The following GNB5 variants were observed in gnomAD, a reference collection of about 807,000 sequenced individuals.
The protein encoded by GNB5 is guanine nucleotide-binding protein subunit beta-5.
Under a neutral mutation model 55.3 loss-of-function variants are expected in GNB5, and 37 were observed. The ratio of observed to expected loss-of-function variants is 0.67; its 90% CI spans 0.51 to 0.88. The LOEUF (loss-of-function observed/expected upper bound fraction) is 0.88, where lower values mean the gene tolerates loss of function less well. GNB5 is among the 40% of genes least tolerant of loss of function. The pLI is 0.00. For missense variants in GNB5, 476 were observed against 515.3 expected (o/e 0.92, Z 0.74); for synonymous variants, 219 against 198.5 (o/e 1.10, Z -0.87).
intron 3 of GNB5, among the ~76,000 whole-genome samples, chr15:52,157,188 G>A (rs192986375): frequency 1.9e-3 from 289 of 151,112 alleles, no homozygotes; most frequent in African/African-American, 6.9e-3. Context: ...CGCCAGCCTC[G>A]GCCTCCCAAA....
At chr15:52,141,299 A>G (rs2033847636) in intron 6 of GNB5, 27 bp from the exon 7 acceptor site, 16 of 1,603,884 alleles carry the variant, frequency 1.0e-5, no homozygotes, top group Non-Finnish European at 1.4e-5. Flanking sequence ...GAAGTACCAA[A>G]GATTAATGCA....
At chr15:52,180,567 TG>T in intron 2 of GNB5, 1 of 152,340 alleles carries the variant, frequency 6.6e-6, no homozygotes, top group Non-Finnish European at 1.5e-5. Flanking sequence ...GTCCCTGGCC[TG>T]GGGGCGGCAA....
At chr15:52,168,093 G>C (rs984953270) in intron 3 of GNB5, among the ~76,000 whole-genome samples, 1 of 152,184 alleles carries the variant, frequency 6.6e-6, no homozygotes, top group Non-Finnish European at 1.5e-5. Flanking sequence ...ACTGGCACAA[G>C]ACAAAGATGC....
chr15:52,128,138 A>T, intron 10 of GNB5, 58 bp downstream of exon 10: 1 of 1,087,338 alleles, frequency 9.2e-7, no homozygotes, highest in East Asian at 2.4e-5. Context: ...TTTTCTTAAA[A>T]TAAGTTAGCA....
intron 9 of GNB5, 127 bp from the exon 10 acceptor site, chr15:52,128,371 C>T (rs750771612): frequency 3.2e-5 from 22 of 685,684 alleles, no homozygotes; most frequent in South Asian, 1.3e-4. Context: ...CAGCAGAAGA[C>T]GGAAGAGGAA....
intron 1 of GNB5, among the ~76,000 whole-genome samples, chr15:52,185,753 T>TATTA (rs2034835438): frequency 7.3e-6 from 1 of 136,724 alleles, no homozygotes; most frequent in Non-Finnish European, 1.6e-5. Context: ...TATTCATCTT[T>TATTA]TTATTATTAT....
intron 3 of GNB5, among the ~76,000 whole-genome samples, chr15:52,174,485 TG>T (rs550595087): frequency 2.3e-4 from 35 of 152,218 alleles, no homozygotes; most frequent in African/African-American, 8.4e-4. Context: ...CTTGGGGCTG[TG>T]GAGTTTGATG....
chr15:52,147,668 C>T, intron 5 of GNB5, 133 bp from the exon 6 acceptor site: 1 of 445,562 alleles, frequency 2.2e-6, no homozygotes, highest in Non-Finnish European at 4.1e-6. Context: ...CTCACTCCAA[C>T]ATCTGCCTCC....
rs2033840435 is a variant in GNB5, at chr15:52,141,048, T to C, written c.627+92A>G. On this transcript the variant is annotated intron_variant, in intron 7 of 12. Coordinates refer to ENST00000261837, the MANE Select transcript of GNB5 (RefSeq NM_016194.4). ...GCAAACTACTGGAGCACAGCCATCTTGTTCAGAGAGACGCCGAAAGCTTCC... is the reference window on the plus strand; with the variant it reads ...GCAAACTACTGGAGCACAGCCATCTCGTTCAGAGAGACGCCGAAAGCTTCC... 3 of 1,057,122 alleles carry C rather than the reference T, an allele frequency of 2.8e-6. No individual in the cohort carries two copies. In the East Asian group the frequency reaches 7.1e-5, roughly 25 times the overall value. The allele number at this position is 1,057,122 out of a possible 1,614,324, so 65.5% of individuals were successfully genotyped here. A position where few individuals can be genotyped will look rare whatever the true frequency, so the allele number is the denominator to read the frequency against.
intron 7 of GNB5, chr15:52,138,281 G>C (rs2033772564): frequency 4.0e-6 from 1 of 249,060 alleles, no homozygotes; most frequent in African/African-American, 2.3e-5. Context: ...TACTTGGAAG[G>C]CTGAGGCACT....
chr15:52,136,871 C>T (rs543538206), intron 7 of GNB5: 106 of 383,422 alleles, frequency 2.8e-4, no homozygotes, highest in African/African-American at 2.2e-3. Context: ...GCCAACTTTC[C>T]TGTTACTATG....
At chr15:52,124,805 CCT>C (rs2033378917) in intron 11 of GNB5, 166 bp from the exon 12 acceptor site, 1 of 603,994 alleles carries the variant, frequency 1.7e-6, no homozygotes, top group African/African-American at 1.9e-5. Context: ...AGTCCCTGTC[CCT>C]GTTGGAGGAT....
chr15:52,179,013 G>C (rs918634960), intron 3 of GNB5, among the ~76,000 whole-genome samples: 9 of 152,230 alleles, frequency 5.9e-5, no homozygotes, highest in African/African-American at 1.9e-4. Context: ...AAGGAACGCT[G>C]TTTTGGCCAA....
At position 52,133,288 on chromosome 15, in the gene GNB5, G is replaced by A. The variant is rs2033624241; in HGVS notation, c.863+90C>T. On this transcript the variant is annotated intron_variant, in intron 9 of 12. Transcript: ENST00000261837. ...GAGGCCTCTCTCAGCCAAGTAAACT[G>A]AGTCTGGAGGCGGTTCCTGGGCTAA... 4.8e-6 allele frequency: 4 copies of A among 834,146 alleles called. No homozygotes were observed. In the East Asian group the frequency reaches 7.4e-5, roughly 15 times the overall value. 51.7% of individuals were successfully genotyped at this position (834,146 alleles called of 1,614,324 possible). A position where few individuals can be genotyped will look rare whatever the true frequency, so the allele number is the denominator to read the frequency against.
At position 52,115,145 on chromosome 15, in the gene GNB5, C is replaced by T. The variant is rs1002436794; in HGVS notation, c.*7612G>A. The T allele has an allele frequency of 6.6e-6, 1 of 152,128 alleles. No individual in the cohort carries two copies. Among genetic ancestry groups the T allele is most frequent in the Non-Finnish European group, 1.5e-5 (1 of 68,024 alleles). The allele number at this position is 152,128 out of a possible 1,614,324, so 9.4% of individuals were successfully genotyped here. On this transcript the variant is annotated 3_prime_UTR_variant, in exon 13 of 13. Coordinates refer to ENST00000261837, the MANE Select transcript of GNB5 (RefSeq NM_016194.4). ...TATTTGCAAGACAGTCATGATTTTA[C>T]CTTTTTGTACATTAAACTTTAGCAG...
intron 3 of GNB5, among the ~76,000 whole-genome samples, chr15:52,169,474 G>A (rs1181558725): frequency 5.5e-5 from 8 of 145,428 alleles, no homozygotes; most frequent in African/African-American, 2.0e-4. Flanking sequence ...GGAGGCGGAG[G>A]TTGCAGTGAG....
intron 7 of GNB5, chr15:52,137,058 G>A (rs899136809): frequency 6.8e-5 from 32 of 471,184 alleles, no homozygotes; most frequent in Non-Finnish European, 1.2e-4. Flanking sequence ...AAACGGCCTT[G>A]CAAGACCCAC....
At chr15:52,137,795 T>C (rs1332817041) in intron 7 of GNB5, 9 of 1,253,858 alleles carry the variant, frequency 7.2e-6, no homozygotes, top group Non-Finnish European at 8.2e-6. Context: ...AGCTGGGTAC[T>C]GACAGCAATG....
At chr15:52,184,895 C>G (rs1429316445) in intron 1 of GNB5, among the ~76,000 whole-genome samples, 1 of 152,218 alleles carries the variant, frequency 6.6e-6, no homozygotes, top group Non-Finnish European at 1.5e-5. Context: ...AAGCATCAGA[C>G]AATAGGTTTT....
Sources: allele counts gnomAD v4.1 joint callset (sites outside exome capture counted in the v4.1 genomes callset), GRCh38; gene constraint gnomAD v4.1.1; transcripts MANE v1.5; gene names NCBI Gene and HGNC (gene_info 2026-07-23, HGNC 2026-07-21).